ANKRD46: variants seen among roughly 807,000 people sequenced by gnomAD.
ANKRD46 encodes the protein ankyrin repeat domain 46, also known as ankyrin repeat domain-containing protein 46.
ANKRD46 carries 13 observed loss-of-function variants against 19.8 expected under a neutral mutation model. The observed-to-expected ratio is 0.66, with a 90% CI of 0.43 to 1.04. The LOEUF is 1.04. Among genes scored for constraint, ANKRD46 ranks in the 50% least tolerant of loss-of-function variants. ANKRD46 has a pLI of 0.00. For missense variants in ANKRD46, 185 were observed against 274.8 expected (o/e 0.67, Z 2.31); for synonymous variants, 91 against 106.9 (o/e 0.85, Z 0.92).
intron 4 of ANKRD46, among the ~76,000 whole-genome samples, chr8:100,526,304 G>T (rs552116496): frequency 6.6e-6 from 1 of 152,110 alleles, no homozygotes; most frequent in Non-Finnish European, 1.5e-5. Context: ...CAAGAAACTG[G>T]CTATTAACAA....
Position 100,522,421 on chromosome 8 carries a change from T to G in ANKRD46, c.*134A>C. ...TGAACACATCATTATCTAAAAGGAT[T>G]ACAATAATTAAAAATGCAAAAAGAA... On this transcript the variant is annotated 3_prime_UTR_variant, in exon 5 of 5. Coordinates refer to ENST00000335659, the MANE Select transcript of ANKRD46 (RefSeq NM_001270377.2). 2.1e-6 allele frequency: 3 copies of G among 1,448,666 alleles called. No individual in the cohort carries two copies. Among genetic ancestry groups the G allele is most frequent in the Non-Finnish European group, 2.7e-6 (3 of 1,106,868 alleles). The allele number at this position is 1,448,666 out of a possible 1,614,324, so 89.7% of individuals were successfully genotyped here. A position where few individuals can be genotyped will look rare whatever the true frequency, so the allele number is the denominator to read the frequency against.
Position 100,522,663 on chromosome 8 carries a change from C to T in ANKRD46, c.579G>A (p.Trp193Ter). 6.2e-7 allele frequency: 1 copy of T among 1,614,122 alleles called. No individual in the cohort carries two copies. Among genetic ancestry groups the T allele is most frequent in the Non-Finnish European group, 8.5e-7 (1 of 1,180,032 alleles). Residue 193 changes from tryptophan to a stop codon, truncating the protein, a stop_gained, in exon 5 of 5, where the codon TGG becomes TGA. Coordinates refer to ENST00000335659, the MANE Select transcript of ANKRD46 (RefSeq NM_001270377.2). LOFTEE classifies it high-confidence loss of function. ...TGACGAAGATCAACAGCAATACTCT[C>T]CAGAAGCCCAGATCCTCCACAAACT... ...WQEFVEDLGF[W>*]RVLLLIFVIA...
In ANKRD46 at chr8:100,537,681, A is replaced by C. The variant is rs1812091599; in HGVS notation, c.-130-4370T>G. On this transcript the variant is annotated intron_variant, in intron 1 of 4. Transcript: ENST00000335659. This position sits in a 1 kb window ranked among gnomAD's most constrained non-coding sequence, Gnocchi z 4.2. ...ATCCAAAGATACTGGGCAAGGAAAAATGCCATGTTGAAAAGAAATTTAGCT... is the reference window on the plus strand; with the variant it reads ...ATCCAAAGATACTGGGCAAGGAAAACTGCCATGTTGAAAAGAAATTTAGCT... Among the ~76,000 whole-genome samples the C allele has an allele frequency of 6.6e-6, 1 of 152,238 alleles. No homozygotes were observed. The highest frequency in any genetic ancestry group is 6.5e-5 in the Admixed American group (1 of 15,274).
chr8:100,514,331 C>T lies in ANKRD46; in HGVS notation c.637-3692G>A, dbSNP rs142671947. On this transcript the variant is annotated intron_variant, in intron 5 of 5. Coordinates refer to the ANKRD46 transcript ENST00000520552. ...TGTATCTATCCATAAAATATGCAAA[C>T]ATTAATTTGTAATGATTCCAGCAAA... is the stretch of plus-strand genomic sequence containing the variant. Among the ~76,000 whole-genome samples, 74 of 151,984 alleles carry T rather than the reference C, an allele frequency of 4.9e-4. No individual in the cohort carries two copies. The South Asian group carries it at 6.9e-3, about 14-fold the overall frequency.
In ANKRD46 at chr8:100,510,658, C is replaced by T. The variant is rs1289143231; in HGVS notation, c.637-19G>A. 12 of 1,482,506 alleles carry T rather than the reference C, an allele frequency of 8.1e-6. No homozygotes were observed. Among genetic ancestry groups the T allele is most frequent in the Admixed American group, 2.3e-5 (1 of 43,306 alleles). 91.8% of individuals were successfully genotyped at this position (1,482,506 alleles called of 1,614,324 possible). A position where few individuals can be genotyped will look rare whatever the true frequency, so the allele number is the denominator to read the frequency against. On this transcript the variant is annotated intron_variant, in intron 5 of 5. Transcript: ENST00000520552. The surrounding 1 kb of genome is among the most constrained non-coding windows in gnomAD (Gnocchi z 4.9). ...TCCTTCTCTGTAAATGTGGGGAAGA[C>T]AGATTAAAAAAAAAAAAAAATCCCA...
At chr8:100,528,604 T>G (rs966370117) in intron 3 of ANKRD46, among the ~76,000 whole-genome samples, 4 of 151,972 alleles carry the variant, frequency 2.6e-5, no homozygotes, top group African/African-American at 9.7e-5. Context: ...AGATTCATTC[T>G]TATTTGATAT....
chr8:100,518,842 ACT>A (rs1313058615), downstream of ANKRD46, among the ~76,000 whole-genome samples: 2 of 147,972 alleles, frequency 1.4e-5, no homozygotes, highest in Admixed American at 6.8e-5. Flanking sequence ...ACAGAGCGAG[ACT>A]CTGTCTCAAA....
At position 100,522,052 on chromosome 8, in the gene ANKRD46, T is replaced by TAGTATTGCACAC; in HGVS notation, c.*502_*503insGTGTGCAATACT. On this transcript the variant is annotated 3_prime_UTR_variant, in exon 5 of 5. Coordinates refer to ENST00000335659, the MANE Select transcript of ANKRD46 (RefSeq NM_001270377.2). ...TAAGCCAAATAGATGCTAACAATACTAATTTGCACACAAGATTTGAAAAAA... is the reference window on the plus strand; with the variant it reads ...TAAGCCAAATAGATGCTAACAATACTAGTATTGCACACAATTTGCACACAAGATTTGAAAAAA... 2.0e-6 allele frequency: 2 copies of TAGTATTGCACAC among 986,434 alleles called. No individual in the cohort carries two copies. The highest frequency in any genetic ancestry group is 2.4e-6 in the Non-Finnish European group (2 of 830,454). The allele number at this position is 986,434 out of a possible 1,614,324, so 61.1% of individuals were successfully genotyped here.
Position 100,522,618 on chromosome 8 carries a change from G to A in ANKRD46, c.624C>T (p.Gly208=). The change falls in exon 5 of 5, where the codon GGC becomes GGT. Residue 208 remains glycine (G), a synonymous_variant. Transcript: ENST00000335659. ...LIFVIALLSL[G]IAYYVSGVLP... The stretch of plus-strand genomic sequence containing the variant: ...GCACCCCACTCACATAATAAGCAAT[G>A]CCAAGAGACAGCAAAGCAATGACGA... 6.2e-7 allele frequency: 1 copy of A among 1,613,954 alleles called. No individual in the cohort carries two copies. The highest frequency in any genetic ancestry group is 8.5e-7 in the Non-Finnish European group (1 of 1,180,000).
chr8:100,526,078 AAAGTGTT>A (rs1437496780), intron 4 of ANKRD46, among the ~76,000 whole-genome samples: 1 of 152,220 alleles, frequency 6.6e-6, no homozygotes, highest in Admixed American at 6.5e-5. Context: ...CTAGGTAATA[AAAGTGTT>A]AATAACTCAA....
At chr8:100,513,290 C>A (rs773709497) in intron 5 of ANKRD46, among the ~76,000 whole-genome samples, 1 of 152,114 alleles carries the variant, frequency 6.6e-6, no homozygotes, top group Non-Finnish European at 1.5e-5. Context: ...TAGGCAGAAT[C>A]TGGTTTCAAA....
chr8:100,549,431 T>TA (rs1418463769), intron 1 of ANKRD46, among the ~76,000 whole-genome samples: 1 of 152,134 alleles, frequency 6.6e-6, no homozygotes, highest in African/African-American at 2.4e-5. Context: ...AGAAACCATA[T>TA]AAAAATGAGG....
intron 5 of ANKRD46, among the ~76,000 whole-genome samples, chr8:100,512,589 GGGTCTTATAGTGTCAAAAATCAT>G (rs769890011): frequency 2.0e-5 from 3 of 152,144 alleles, no homozygotes; most frequent in Non-Finnish European, 4.4e-5. Flanking sequence ...CACAGTTCTA[GGGTCTTATAGTGTCAAAAATCAT>G]GACAGAACCG....
chr8:100,535,844 A>C (rs578214702), intron 1 of ANKRD46, among the ~76,000 whole-genome samples: 1 of 152,336 alleles, frequency 6.6e-6, no homozygotes, highest in East Asian at 1.9e-4. Flanking sequence ...GGCCATTGTT[A>C]AAGCTTCTAC....
In ANKRD46 at chr8:100,522,270, C is replaced by A; in HGVS notation, c.*285G>T. 8.5e-7 allele frequency: 1 copy of A among 1,182,444 alleles called. No individual in the cohort carries two copies. The highest frequency in any genetic ancestry group is 1.1e-6 in the Non-Finnish European group (1 of 951,708). The allele number at this position is 1,182,444 out of a possible 1,614,324, so 73.2% of individuals were successfully genotyped here. Reference sequence around the variant, plus strand: ...CTTCCTAGCTTCTTCCTTTATCTTCCATTCTCTAGTCACTTCCGTGTTTTT... The same window carrying A: ...CTTCCTAGCTTCTTCCTTTATCTTCAATTCTCTAGTCACTTCCGTGTTTTT... On this transcript the variant is annotated 3_prime_UTR_variant, in exon 5 of 5. Coordinates refer to ENST00000335659, the MANE Select transcript of ANKRD46 (RefSeq NM_001270377.2).
chr8:100,547,113 G>A (rs1201966445), intron 1 of ANKRD46, among the ~76,000 whole-genome samples: 1 of 152,140 alleles, frequency 6.6e-6, no homozygotes, highest in Non-Finnish European at 1.5e-5. Flanking sequence ...AGACTTTGGG[G>A]GACTGTTGGG....
Position 100,522,161 on chromosome 8 carries a change from CA to C in ANKRD46, c.*393del, listed in dbSNP as rs1586779349. 1.0e-6 allele frequency: 1 copy of C among 992,004 alleles called. No individual in the cohort carries two copies. Among genetic ancestry groups the C allele is most frequent in the East Asian group, 1.1e-4 (1 of 9,074 alleles). The allele number at this position is 992,004 out of a possible 1,614,324, so 61.5% of individuals were successfully genotyped here. On this transcript the variant is annotated 3_prime_UTR_variant, in exon 5 of 5. Transcript: ENST00000335659. The stretch of plus-strand genomic sequence containing the variant: ...AAATAAATGAAAACAAAACCACCAA[CA>C]AAAACTAATCATATAAGATACTGTT...
At chr8:100,516,678 C>T (rs1489301540), downstream of ANKRD46, among the ~76,000 whole-genome samples, 1 of 152,214 alleles carries the variant, frequency 6.6e-6, no homozygotes, top group South Asian at 2.1e-4. Context: ...AGCTTTTCAG[C>T]ATCCAGTGTG....
intron 1 of ANKRD46, chr8:100,551,364 CT>C (rs1473003887): frequency 6.8e-6 from 4 of 586,276 alleles, no homozygotes; most frequent in Admixed American, 4.0e-5. Context: ...GATGATGACC[CT>C]TTTGGCTCCC....
Sources: gnomAD v4.1 joint callset for allele counts (sites outside exome capture counted in the v4.1 genomes callset) on GRCh38, gnomAD v4.1.1 for gene constraint, Gnocchi (gnomAD v3.1) non-coding constraint, MANE v1.5 for transcripts, NCBI Gene and HGNC (gene_info 2026-07-23, HGNC 2026-07-21) for gene names.